The following ASIC2 variants were observed in gnomAD, a reference collection of about 807,000 sequenced individuals.
ASIC2 encodes acid-sensing ion channel 2.
ASIC2 carries 25 observed loss-of-function variants against 57.3 expected under a neutral mutation model. That is an observed-to-expected ratio of 0.44 (90% CI 0.32 to 0.61). ASIC2 has a LOEUF of 0.61. Ranked by LOEUF, ASIC2 falls within the 20% of genes least tolerant of loss-of-function variation. The pLI is 0.06. For synonymous variants in ASIC2, 319 were observed against 307.5 expected (o/e 1.04, Z -0.39); for missense variants, 641 against 738.1 (o/e 0.87, Z 1.52).
intron 1 of ASIC2, among the ~76,000 whole-genome samples, chr17:33,355,954 C>A (rs1194352264): frequency 9.2e-5 from 14 of 152,136 alleles, no homozygotes; most frequent in Admixed American, 9.2e-4. Flanking sequence ...GTAAACGAAC[C>A]TAGACCTGGA....
At chr17:33,271,136 C>A (rs1904476488) in intron 1 of ASIC2, among the ~76,000 whole-genome samples, 1 of 152,146 alleles carries the variant, frequency 6.6e-6, no homozygotes, top group Non-Finnish European at 1.5e-5. Context: ...CCCATTTGTA[C>A]CCTTCTCCCT....
chr17:33,085,808 A>G (rs2092132043), intron 3 of ASIC2, among the ~76,000 whole-genome samples: 1 of 152,190 alleles, frequency 6.6e-6, no homozygotes, highest in African/African-American at 2.4e-5. Flanking sequence ...TGTAAATATA[A>G]TGTATTATTA....
At chr17:33,636,810 C>T (rs1191781638) in intron 1 of ASIC2, among the ~76,000 whole-genome samples, 1 of 152,054 alleles carries the variant, frequency 6.6e-6, no homozygotes, top group Non-Finnish European at 1.5e-5. Flanking sequence ...CCTACAACTA[C>T]TCAAACTCCA....
rs1906545342 is a variant in ASIC2 at position 34,006,916 on chromosome 17, C to T, written c.555+149062G>A. ...TTGGTCAAGGTCTACTCTGTCAGAACTGATCTCTACTTCTGGCAGCTAAAA... is the reference window on the plus strand; with the variant it reads ...TTGGTCAAGGTCTACTCTGTCAGAATTGATCTCTACTTCTGGCAGCTAAAA... On this transcript the variant is annotated intron_variant, in intron 1 of 9. Transcript: ENST00000359872. 2.0e-5 allele frequency: 3 copies of T among 152,272 alleles called. No homozygotes were observed. In the South Asian group the frequency reaches 6.2e-4, roughly 32 times the overall value. The allele number at this position is 152,272 out of a possible 1,614,324, so 9.4% of individuals were successfully genotyped here.
At chr17:34,151,390 T>C (rs1904520622) in intron 1 of ASIC2, among the ~76,000 whole-genome samples, 1 of 152,154 alleles carries the variant, frequency 6.6e-6, no homozygotes, top group Non-Finnish European at 1.5e-5. Flanking sequence ...CACTGCACAA[T>C]AGGTGCTCTA....
intron 1 of ASIC2, among the ~76,000 whole-genome samples, chr17:33,302,865 A>C (rs1906015598): frequency 6.6e-6 from 1 of 152,200 alleles, no homozygotes; most frequent in African/African-American, 2.4e-5. Context: ...GTGGTTTCTC[A>C]GGACAACTCT....
intron 1 of ASIC2, among the ~76,000 whole-genome samples, chr17:33,882,089 C>A (rs918011204): frequency 5.3e-5 from 8 of 152,204 alleles, no homozygotes; most frequent in African/African-American, 1.9e-4. Flanking sequence ...CCCTTCCTTA[C>A]ACCTTATGCA....
At chr17:33,539,718 G>A (rs1915346557) in intron 1 of ASIC2, among the ~76,000 whole-genome samples, 1 of 152,306 alleles carries the variant, frequency 6.6e-6, no homozygotes, top group South Asian at 2.1e-4. Context: ...TCCTTGACTA[G>A]CTCGGGTATT....
At chr17:33,977,665 C>A (rs1905443867) in intron 1 of ASIC2, among the ~76,000 whole-genome samples, 1 of 152,124 alleles carries the variant, frequency 6.6e-6, no homozygotes, top group Admixed American at 6.5e-5. Flanking sequence ...TTTCCCAATC[C>A]CCTACATCCT....
At chr17:33,606,080 G>T (rs1019144709) in intron 1 of ASIC2, among the ~76,000 whole-genome samples, 1 of 152,168 alleles carries the variant, frequency 6.6e-6, no homozygotes, top group Admixed American at 6.5e-5. Flanking sequence ...GGAAAACCAT[G>T]AAGGGCTGTC....
At chr17:33,908,980 C>T (rs1433071309) in intron 1 of ASIC2, among the ~76,000 whole-genome samples, 3 of 152,190 alleles carry the variant, frequency 2.0e-5, no homozygotes, top group African/African-American at 7.2e-5. Flanking sequence ...TTAGTCATTT[C>T]CTTGGCTCAG....
chr17:33,524,246 T>C (rs2141956925), intron 1 of ASIC2, among the ~76,000 whole-genome samples: 1 of 152,332 alleles, frequency 6.6e-6, no homozygotes, highest in African/African-American at 2.4e-5. Flanking sequence ...TTGGGTTCCT[T>C]ATATAGAGAC....
At chr17:33,074,264 A>G (rs1160522511) in intron 3 of ASIC2, among the ~76,000 whole-genome samples, 1 of 152,160 alleles carries the variant, frequency 6.6e-6, no homozygotes, top group Non-Finnish European at 1.5e-5. Flanking sequence ...CCATATAGTA[A>G]AATCTTCAAG....
At chr17:33,850,517 A>G (rs1368932721) in intron 1 of ASIC2, among the ~76,000 whole-genome samples, 1 of 152,212 alleles carries the variant, frequency 6.6e-6, no homozygotes, top group Non-Finnish European at 1.5e-5. Context: ...AAGGGAGCCA[A>G]CAATAGCAAA....
chr17:33,645,736 T>G (rs1486481364), intron 1 of ASIC2, among the ~76,000 whole-genome samples: 2 of 152,148 alleles, frequency 1.3e-5, no homozygotes, highest in Admixed American at 6.5e-5. Flanking sequence ...TGCTATTTGC[T>G]GGTCATCTCA....
At chr17:33,372,524 G>T (rs955641779) in intron 1 of ASIC2, among the ~76,000 whole-genome samples, 21 of 152,068 alleles carry the variant, frequency 1.4e-4, no homozygotes, top group Admixed American at 6.5e-5. Context: ...GTGACCTTCT[G>T]GAACTACCGC....
intron 1 of ASIC2, chr17:34,155,781 C>T (rs1904695719): frequency 3.3e-6 from 2 of 599,990 alleles, no homozygotes; most frequent in Admixed American, 6.4e-5. Context: ...GATCTGACAG[C>T]AGTGCTCTAT....
In ASIC2 at chr17:33,292,126, C is replaced by CGCGGCTGGCGGCA. The variant is rs2142183498; in HGVS notation, c.-24_-12dup. 9.6e-7 allele frequency: 1 copy of CGCGGCTGGCGGCA among 1,038,460 alleles called. No homozygotes were observed. Among genetic ancestry groups the CGCGGCTGGCGGCA allele is most frequent in the Non-Finnish European group, 1.2e-6 (1 of 866,624 alleles). The allele number at this position is 1,038,460 out of a possible 1,614,324, so 64.3% of individuals were successfully genotyped here. A position where few individuals can be genotyped will look rare whatever the true frequency, so the allele number is the denominator to read the frequency against. ...GCCAATCCGGCTCATTCATTCAGCC[C>CGCGGCTGGCGGCA]GCGGCTGGCGGCAGCGGCGGCGGCC... is the stretch of plus-strand genomic sequence containing the variant. On this transcript the variant is annotated 5_prime_UTR_variant, in exon 1 of 10. An upstream open reading frame in the 5' UTR gains an earlier in-frame stop. Coordinates refer to ENST00000225823, the MANE Select transcript of ASIC2 (RefSeq NM_183377.2).
At chr17:33,530,933 AG>A (rs1450861041) in intron 1 of ASIC2, among the ~76,000 whole-genome samples, 1 of 152,228 alleles carries the variant, frequency 6.6e-6, no homozygotes, top group African/African-American at 2.4e-5. Flanking sequence ...TAATTAGACA[AG>A]AACTTGCTGA....
Sources: allele counts gnomAD v4.1 joint callset (sites outside exome capture counted in the v4.1 genomes callset), GRCh38; gene constraint gnomAD v4.1.1; transcripts MANE v1.5; gene names NCBI Gene and HGNC (gene_info 2026-07-23, HGNC 2026-07-21).